TLE1: variants seen among roughly 807,000 people sequenced by gnomAD.
The protein encoded by TLE1 is transducin-like enhancer protein 1.
Under a neutral mutation model 89.8 loss-of-function variants are expected in TLE1, and 21 were observed. The ratio of observed to expected loss-of-function variants is 0.23; its 90% CI spans 0.17 to 0.34. TLE1 has a LOEUF of 0.34. Ranked by LOEUF, TLE1 falls within the 10% of genes least tolerant of loss-of-function variation. The probability of loss-of-function intolerance (pLI) is 1.00; values close to 1 mark genes in which losing one functional copy is unlikely to be tolerated. For synonymous variants in TLE1, 447 were observed against 407.6 expected (o/e 1.10, Z -1.16); for missense variants, 795 against 1,031.2 (o/e 0.77, Z 3.14).
At chr9:81,674,568 A>G (rs1832652095) in intron 4 of TLE1, among the ~76,000 whole-genome samples, 1 of 152,180 alleles carries the variant, frequency 6.6e-6, no homozygotes, top group Admixed American at 6.5e-5. Context: ...TTGCAAAATT[A>G]TTTCTATTTT....
At chr9:81,620,263 C>T (rs1024939322) in intron 9 of TLE1, among the ~76,000 whole-genome samples, 178 bp downstream of exon 9, 7 of 152,068 alleles carry the variant, frequency 4.6e-5, no homozygotes, top group African/African-American at 1.2e-4. Context: ...ACACTGAGCC[C>T]GGCAGAAGCA....
intron 8 of TLE1, among the ~76,000 whole-genome samples, chr9:81,629,126 A>G (rs1826257896): frequency 6.6e-6 from 1 of 152,188 alleles, no homozygotes; most frequent in Non-Finnish European, 1.5e-5. Flanking sequence ...AGCACCTCAA[A>G]CAGTACTCGG....
chr9:81,675,676 T>G (rs944816943), intron 4 of TLE1, among the ~76,000 whole-genome samples: 3 of 150,922 alleles, frequency 2.0e-5, no homozygotes, highest in Non-Finnish European at 4.4e-5. Flanking sequence ...CATTTTTAAT[T>G]TTAGCATAAG....
Position 81,593,111 on chromosome 9 carries a change from C to T in TLE1, c.1495G>A (p.Val499Met), listed in dbSNP as rs776126837. 3.5e-5 allele frequency: 57 copies of T among 1,614,126 alleles called. 1 individual carries two copies. Among genetic ancestry groups the T allele is most frequent in the Admixed American group, 3.5e-4 (21 of 60,022 alleles). ...ACGCAGCCCTTCCCGCCTGTGTACA[C>T]GTGTCTCGTGGGGTTGCTGATGGTC... is the stretch of plus-strand genomic sequence containing the variant. ...AVTISNPTRHVYTGGKGCVKV... is the reference protein window; with the variant it reads ...AVTISNPTRHMYTGGKGCVKV... The change falls in exon 15 of 20, where the codon GTG becomes ATG. Residue 499 changes from valine to methionine, a missense_variant. Val to Met is a conservative substitution (Grantham distance 21). Around this residue, in one of 4 missense-constraint regions of TLE1, gnomAD observed 214 missense variants for 354.9 expected, o/e 0.60. Transcript: ENST00000376499.
intron 4 of TLE1, among the ~76,000 whole-genome samples, chr9:81,655,079 G>A (rs766885541): frequency 3.1e-4 from 47 of 151,996 alleles, no homozygotes; most frequent in Non-Finnish European, 5.4e-4. Context: ...AAAGAAGGCA[G>A]GAAAGGCCGG....
In TLE1 at chr9:81,647,201, C is replaced by T. The variant is rs550896486; in HGVS notation, c.372+5013G>A. Among the ~76,000 whole-genome samples the T allele has an allele frequency of 4.6e-5, 7 of 152,234 alleles. No individual in the cohort carries two copies. In the South Asian group the frequency reaches 1.5e-3, roughly 32 times the overall value. ...GCATTTTGTGGACGGGAGGACAGTC[C>T]CCACTGGTCATCTGACGATGTCTTC... On this transcript the variant is annotated intron_variant, in intron 6 of 19. Coordinates refer to ENST00000376499, the MANE Select transcript of TLE1 (RefSeq NM_005077.5).
At chr9:81,593,662 T>C (rs997878001) in intron 14 of TLE1, among the ~76,000 whole-genome samples, 3 of 152,192 alleles carry the variant, frequency 2.0e-5, no homozygotes, top group Non-Finnish European at 4.4e-5. Context: ...TTTTAAATGA[T>C]TGTTTTCCCT....
chr9:81,687,611 C>CG (rs1426357655), intron 1 of TLE1, among the ~76,000 whole-genome samples, 177 bp from the exon 2 acceptor site: 1 of 152,164 alleles, frequency 6.6e-6, no homozygotes, highest in South Asian at 2.1e-4. Flanking sequence ...GGACCCTCCC[C>CG]GGGCCCCGGC....
At chr9:81,636,687 C>G (rs368778423) in intron 6 of TLE1, among the ~76,000 whole-genome samples, 1 of 152,030 alleles carries the variant, frequency 6.6e-6, no homozygotes. Flanking sequence ...AAACATACTC[C>G]GGTAATATTT....
chr9:81,662,672 T>C (rs1464252854), intron 4 of TLE1, among the ~76,000 whole-genome samples: 1 of 150,374 alleles, frequency 6.7e-6, no homozygotes, highest in African/African-American at 2.5e-5. Flanking sequence ...CACTCCAGCC[T>C]GGGCAACAAA....
intron 6 of TLE1, among the ~76,000 whole-genome samples, chr9:81,650,526 C>G (rs1829410887): frequency 6.6e-6 from 1 of 152,170 alleles, no homozygotes; most frequent in Non-Finnish European, 1.5e-5. Context: ...CACTATTAGT[C>G]TTTGCTAATC....
intron 16 of TLE1, among the ~76,000 whole-genome samples, chr9:81,590,602 C>T (rs1048648281): frequency 5.3e-5 from 8 of 152,200 alleles, no homozygotes; most frequent in Admixed American, 2.0e-4. Context: ...TAGAAAGTCT[C>T]GGGTGACACC....
intron 14 of TLE1, among the ~76,000 whole-genome samples, chr9:81,594,609 T>C (rs967621759): frequency 6.6e-6 from 1 of 152,052 alleles, no homozygotes; most frequent in Non-Finnish European, 1.5e-5. Flanking sequence ...TAACTTGAAA[T>C]CACTAAGAGA....
In TLE1 at chr9:81,610,278, G is replaced by C; in HGVS notation, c.1273C>G (p.Pro425Ala). 1 of 1,614,002 alleles carries C rather than the reference G, an allele frequency of 6.2e-7. No homozygotes were observed. The highest frequency in any genetic ancestry group is 1.1e-5 in the South Asian group (1 of 90,964). Residue 425 changes from proline (P) to alanine (A), a missense_variant, in exon 14 of 20, where the codon CCT becomes GCT. By Grantham distance (27) the Pro-to-Ala change is conservative. This residue lies in a region of TLE1 where 468 missense variants were observed against 509.1 expected (regional missense o/e 0.92). Transcript: ENST00000376499. ...GGAATGGTAGGTACTCTCATGTGAG[G>C]GGGAGGATCAAACCCCACCTGGAAA... ...RSPMVGFDPP[P>A]HMRVPTIPPN...
chr9:81,598,405 T>C (rs1352774626), intron 14 of TLE1, among the ~76,000 whole-genome samples: 1 of 152,154 alleles, frequency 6.6e-6, no homozygotes, highest in African/African-American at 2.4e-5. Flanking sequence ...TGATGATTCT[T>C]TCCCAGGGTC....
chr9:81,615,712 C>CAAAA (rs371090700), intron 11 of TLE1, among the ~76,000 whole-genome samples: 3 of 97,960 alleles, frequency 3.1e-5, no homozygotes, highest in Admixed American at 2.2e-4. Context: ...GACTCCGTCT[C>CAAAA]AAAAAAAAAA....
intron 14 of TLE1, among the ~76,000 whole-genome samples, chr9:81,601,114 C>T (rs1830865087): frequency 6.6e-6 from 1 of 152,164 alleles, no homozygotes; most frequent in African/African-American, 2.4e-5. Flanking sequence ...AGTCATACAA[C>T]CCCATCAAAT....
chr9:81,604,360 C>T (rs1464572283), intron 14 of TLE1, among the ~76,000 whole-genome samples: 1 of 152,120 alleles, frequency 6.6e-6, no homozygotes, highest in Non-Finnish European at 1.5e-5. Flanking sequence ...TAAACCATGG[C>T]CCACAAGAGA....
At chr9:81,604,255 T>G (rs1387957335) in intron 14 of TLE1, among the ~76,000 whole-genome samples, 3 of 152,156 alleles carry the variant, frequency 2.0e-5, no homozygotes, top group African/African-American at 4.8e-5. Context: ...GGGTCCCCTA[T>G]GCCTATGCAG....
Sources: gnomAD v4.1 joint callset for allele counts (sites outside exome capture counted in the v4.1 genomes callset) on GRCh38, gnomAD v4.1.1 for gene constraint, gnomAD v4.1.1 regional missense constraint, MANE v1.5 for transcripts, NCBI Gene and HGNC (gene_info 2026-07-23, HGNC 2026-07-21) for gene names.